The following CEP128 variants were observed in gnomAD, a reference collection of about 807,000 sequenced individuals.
CEP128 encodes centrosomal protein 128.
Under a neutral mutation model 156.7 loss-of-function variants are expected in CEP128, and 132 were observed. The observed-to-expected ratio is 0.84, with a 90% CI of 0.73 to 0.97. The LOEUF (loss-of-function observed/expected upper bound fraction) is 0.97, where lower values mean the gene tolerates loss of function less well. Among genes scored for constraint, CEP128 ranks in the 50% least tolerant of loss-of-function variants. The pLI, the probability that CEP128 is intolerant of heterozygous loss-of-function variation, is 0.00. For missense variants in CEP128, 1,252 were observed against 1,281.9 expected, an observed-to-expected ratio of 0.98 and a Z score of 0.36; for synonymous variants, 469 against 448.9, an observed-to-expected ratio of 1.04 and a Z score of -0.57.
In CEP128 at chr14:80,836,232, G is replaced by T; in HGVS notation, c.1030C>A (p.Gln344Lys). The T allele has an allele frequency of 6.2e-7, 1 of 1,613,862 alleles. No individual in the cohort carries two copies. The highest frequency in any genetic ancestry group is 1.1e-5 in the South Asian group (1 of 91,074). ...CTCCTAAATCTCCAGTCCTCCCCTT[G>T]TTCATCCTGATAGTTTGACTGTTGC... ...SKQQSNYQDE[Q>K]GEDWRFRRGV... The change falls in exon 12 of 25, where the codon CAA (glutamine) becomes AAA (lysine). Residue 344 changes from glutamine (Q) to lysine (K), a missense_variant. By Grantham distance (53) the Gln-to-Lys change is moderately conservative (BLOSUM62 1). Transcript: ENST00000555265.
intron 6 of CEP128, among the ~76,000 whole-genome samples, chr14:80,901,916 T>C (rs993535069): frequency 8.5e-5 from 13 of 152,178 alleles, no homozygotes; most frequent in African/African-American, 3.1e-4. Flanking sequence ...GTCAGCCCTG[T>C]TACACGGCTC....
rs371553497 is a variant in CEP128, at chr14:80,900,049, G to T, written c.481-20C>A. 24 of 1,513,182 alleles carry T rather than the reference G, an allele frequency of 1.6e-5. No individual in the cohort carries two copies. Among genetic ancestry groups the T allele is most frequent in the Non-Finnish European group, 2.1e-5 (23 of 1,092,514 alleles). The allele number at this position is 1,513,182 out of a possible 1,614,324, so 93.7% of individuals were successfully genotyped here. On this transcript the variant is annotated intron_variant, in intron 6 of 24. Transcript: ENST00000555265. ...ATGAAGCTAGCAAAGGCAAAACACA[G>T]TTATCCATTTAGAATTCTGTTGAAT...
chr14:80,514,411 T>C (rs77374662), intron 23 of CEP128, among the ~76,000 whole-genome samples: 6 of 138,832 alleles, frequency 4.3e-5, no homozygotes, highest in African/African-American at 1.7e-4. Flanking sequence ...TACTTCATTA[T>C]TTTTTTTTTT....
chr14:80,837,412 T>C (rs1009510710), intron 11 of CEP128, among the ~76,000 whole-genome samples: 7 of 152,130 alleles, frequency 4.6e-5, no homozygotes, highest in Non-Finnish European at 1.0e-4. Context: ...ATGCAAAACG[T>C]TATACTTTAA....
chr14:80,917,634 G>T (rs1214997428), intron 2 of CEP128, among the ~76,000 whole-genome samples: 1 of 152,130 alleles, frequency 6.6e-6, no homozygotes. Flanking sequence ...CGCCTCCCAG[G>T]TTCAAGCAAT....
rs1247990003 is a variant in CEP128, at chr14:80,938,565, A to G, written c.-16+820T>C. Among the ~76,000 whole-genome samples, 5 of 152,066 alleles carry G rather than the reference A, an allele frequency of 3.3e-5. 1 individual carries two copies. Among genetic ancestry groups the G allele is most frequent in the Admixed American group, 3.3e-4 (5 of 15,262 alleles). On this transcript the variant is annotated intron_variant, in intron 2 of 24. Transcript: ENST00000555265. ...CCCGGCCACACAGTATTAGTACTGC[A>G]AGTCCGCAGTGTGTCTCCCCTCTAT...
At chr14:80,681,678 T>TA (rs1896329918) in intron 19 of CEP128, among the ~76,000 whole-genome samples, 1 of 152,214 alleles carries the variant, frequency 6.6e-6, no homozygotes, top group Admixed American at 6.5e-5. Flanking sequence ...CCTGCCGCCT[T>TA]ATGAAGAAGG....
intron 19 of CEP128, among the ~76,000 whole-genome samples, chr14:80,590,265 C>G (rs567567173): frequency 1.2e-3 from 180 of 152,062 alleles, no homozygotes; most frequent in African/African-American, 4.3e-3. Context: ...CCTATGTGAA[C>G]CCGAAAGAAG....
intron 14 of CEP128, among the ~76,000 whole-genome samples, chr14:80,785,756 C>T (rs1239161589): frequency 1.3e-5 from 2 of 152,046 alleles, no homozygotes; most frequent in African/African-American, 4.8e-5. Flanking sequence ...TAGCAACACA[C>T]TGAAATATGT....
chr14:80,934,977 G>A (rs1346397908), intron 2 of CEP128, among the ~76,000 whole-genome samples: 1 of 152,100 alleles, frequency 6.6e-6, no homozygotes, highest in Non-Finnish European at 1.5e-5. Context: ...AGTGCTTTAT[G>A]TATGCTCTCT....
At chr14:80,542,642 T>C (rs772929616) in intron 21 of CEP128, among the ~76,000 whole-genome samples, 1 of 152,152 alleles carries the variant, frequency 6.6e-6, no homozygotes, top group African/African-American at 2.4e-5. Flanking sequence ...GATGAGTCTA[T>C]AGGAGCTTGG....
chr14:80,882,915 G>A (rs148542829), intron 8 of CEP128, among the ~76,000 whole-genome samples: 37 of 152,198 alleles, frequency 2.4e-4, no homozygotes, highest in African/African-American at 7.5e-4. Context: ...GGTAGTGGGA[G>A]GATGGGTAAG....
intron 19 of CEP128, among the ~76,000 whole-genome samples, chr14:80,661,934 AG>A (rs2140898255): frequency 6.6e-6 from 1 of 152,348 alleles, no homozygotes; most frequent in East Asian, 1.9e-4. Context: ...TTAATTATAC[AG>A]AATACATTGA....
At chr14:80,736,947 T>A (rs541549064) in intron 19 of CEP128, among the ~76,000 whole-genome samples, 4 of 152,356 alleles carry the variant, frequency 2.6e-5, no homozygotes, top group Admixed American at 2.6e-4. Flanking sequence ...TGACCTAGGC[T>A]GGATTTCAAT....
chr14:80,618,239 C>T (rs1033867532), intron 19 of CEP128, among the ~76,000 whole-genome samples: 3 of 152,106 alleles, frequency 2.0e-5, no homozygotes, highest in African/African-American at 4.8e-5. Flanking sequence ...ATTTAAAGAA[C>T]GTGTGATCAT....
intron 15 of CEP128, among the ~76,000 whole-genome samples, chr14:80,781,313 T>C (rs1176468695): frequency 6.6e-6 from 1 of 151,858 alleles, no homozygotes; most frequent in Non-Finnish European, 1.5e-5. Context: ...AAAAATTAGC[T>C]GGGCGTGGTG....
intron 19 of CEP128, among the ~76,000 whole-genome samples, chr14:80,612,734 A>G (rs1338235696): frequency 3.9e-5 from 6 of 152,246 alleles, no homozygotes; most frequent in African/African-American, 1.4e-4. Context: ...ACTTGACAAT[A>G]TTGAATTAAA....
At position 80,916,445 on chromosome 14, in the gene CEP128, C is replaced by T; in HGVS notation, c.103G>A (p.Val35Ile). ...GTGTTGACCTTCTCGGTAACTTCTA[C>T]TGTAGGAAGACTTCGAGTTCCCCTG... Reference protein sequence around the residue: ...THRGTRSLPTVEVTEKVNTIT... With the variant: ...THRGTRSLPTIEVTEKVNTIT... Residue 35 changes from valine to isoleucine, a missense_variant, in exon 3 of 25, where the codon GTA (valine) becomes ATA (isoleucine). Val to Ile is a conservative substitution (Grantham distance 29). Coordinates refer to ENST00000555265, the MANE Select transcript of CEP128 (RefSeq NM_152446.5). 3 of 1,614,076 alleles carry T rather than the reference C, an allele frequency of 1.9e-6. No homozygotes were observed. The highest frequency in any genetic ancestry group is 2.5e-6 in the Non-Finnish European group (3 of 1,179,970).
At chr14:80,507,415 T>C (rs569077350) in intron 23 of CEP128, among the ~76,000 whole-genome samples, 4 of 152,264 alleles carry the variant, frequency 2.6e-5, no homozygotes, top group South Asian at 2.1e-4. Flanking sequence ...TGAGCTGACA[T>C]TGGGCAACTA....
Sources: allele counts gnomAD v4.1 joint callset (sites outside exome capture counted in the v4.1 genomes callset), GRCh38; gene constraint gnomAD v4.1.1; transcripts MANE v1.5; gene names NCBI Gene and HGNC (gene_info 2026-07-23, HGNC 2026-07-21).